Variants in THAP7 observed in about 807,000 individuals in gnomAD.
THAP7 encodes THAP domain containing 7, also known as THAP domain-containing protein 7.
THAP7 carries 22 observed loss-of-function variants against 29.2 expected under a neutral mutation model. That is an observed-to-expected ratio of 0.75 (90% confidence interval 0.54 to 1.08). THAP7 has a LOEUF of 1.08. Among genes scored for constraint, THAP7 ranks in the 50% least tolerant of loss-of-function variants. The pLI, the probability that THAP7 is intolerant of heterozygous loss-of-function variation, is 0.00. For missense variants in THAP7, 448 were observed against 416.2 expected (o/e 1.08, Z -0.66); for synonymous variants, 208 against 173.4 (o/e 1.20, Z -1.57).
At position 21,000,339 on chromosome 22, in the gene THAP7, GGCAGGTGCTGAGGCCTCTTCCACAGGAAA is replaced by G; in HGVS notation, c.442_470del (p.Phe148HisfsTer15). The G allele has an allele frequency of 6.4e-7, 1 of 1,553,844 alleles. No homozygotes were observed. The highest frequency in any genetic ancestry group is 8.7e-7 in the Non-Finnish European group (1 of 1,148,628). ...TCCCAGCTGGGGAGGCCGGCAAAGTGGCAGGTGCTGAGGCCTCTTCCACAGGAAAGCAGGTGACATCAGCAGGTGGAGGT... is the reference window on the plus strand; with the variant it reads ...TCCCAGCTGGGGAGGCCGGCAAAGTGGCAGGTGACATCAGCAGGTGGAGGT... On this transcript the variant is annotated frameshift_variant, in exon 4 of 4. Coordinates refer to ENST00000215742, the MANE Select transcript of THAP7 (RefSeq NM_030573.3). LOFTEE classifies it high-confidence loss of function.
rs1377853207 is a variant in THAP7, at chr22:21,001,464, G to A, written c.81-53C>T. The A allele has an allele frequency of 2.5e-6, 4 of 1,587,886 alleles. No homozygotes were observed. In the East Asian group the frequency reaches 9.0e-5, roughly 36 times the overall value. On this transcript the variant is annotated intron_variant, in intron 1 of 3. Coordinates refer to ENST00000215742, the MANE Select transcript of THAP7 (RefSeq NM_030573.3). ...AGGCTGTCCACAGCCCTGGGCTCAT[G>A]CTGCCCAAGCACCCCAGAGGGGAAA...
At chr22:21,001,116 G>A (rs1300211449) in intron 2 of THAP7, 140 bp downstream of exon 2, 1 of 1,228,490 alleles carries the variant, frequency 8.1e-7, no homozygotes, top group Non-Finnish European at 1.1e-6. Context: ...TCCTGGGGGT[G>A]GGTTTCACTG....
chr22:21,000,898 C>G, intron 2 of THAP7, 111 bp from the exon 3 acceptor site: 1 of 1,522,602 alleles, frequency 6.6e-7, no homozygotes, highest in Non-Finnish European at 8.9e-7. Flanking sequence ...GCAAACAATA[C>G]GTCTGGGGAA....
At chr22:21,001,443 T>C (rs1017931008) in intron 1 of THAP7, 32 bp from the exon 2 acceptor site, 1 of 1,609,606 alleles carries the variant, frequency 6.2e-7, no homozygotes, top group African/African-American at 1.3e-5. Flanking sequence ...AGCACCAGGC[T>C]GTCCACAGCC....
At position 21,000,672 on chromosome 22, in the gene THAP7, T is replaced by C. The variant is rs765915768; in HGVS notation, c.352A>G (p.Ser118Gly). The C allele has an allele frequency of 3.7e-6, 6 of 1,614,170 alleles. No homozygotes were observed. The East Asian group carries it at 1.3e-4, about 36-fold the overall frequency. The change falls in exon 3 of 4, where the codon AGC becomes GGC. Residue 118 changes from serine (S) to glycine (G), a missense_variant. By Grantham distance (56) the Ser-to-Gly change is moderately conservative (BLOSUM62 0). Transcript: ENST00000215742. ...CGCTTCCTGCATCGTCTGAGCCGGC[T>C]GACTTCAGCGGGGCCAGGTGGGTAA... The part of the protein sequence containing the change: ...HSYPPGPAEV[S>G]RLRRCRKRCS...
At position 21,000,329 on chromosome 22, in the gene THAP7, C is replaced by T; in HGVS notation, c.481G>A (p.Ala161Thr). The change falls in exon 4 of 4, where the codon GCC (alanine) becomes ACC (threonine). Residue 161 changes from alanine to threonine, a missense_variant. Ala to Thr is a moderately conservative substitution (Grantham distance 58, BLOSUM62 0). Transcript: ENST00000215742. ...EEASAPATLP[A>T]SPAGRLEPGL... ...GGCTCCAGCCTCCCAGCTGGGGAGG[C>T]CGGCAAAGTGGCAGGTGCTGAGGCC... 6.4e-7 allele frequency: 1 copy of T among 1,555,194 alleles called. No homozygotes were observed. Among genetic ancestry groups the T allele is most frequent in the Non-Finnish European group, 8.7e-7 (1 of 1,149,388 alleles).
intron 2 of THAP7, 92 bp downstream of exon 2, chr22:21,001,164 A>T (rs913357107): frequency 6.5e-7 from 1 of 1,531,754 alleles, no homozygotes; most frequent in Non-Finnish European, 8.9e-7. Context: ...CCTTGGACGC[A>T]GGCTGCTCAA....
In THAP7 at chr22:20,999,825, G is replaced by A; in HGVS notation, c.*55C>T. 5 of 1,543,060 alleles carry A rather than the reference G, an allele frequency of 3.2e-6. No homozygotes were observed. The South Asian group carries it at 6.1e-5, about 19-fold the overall frequency. On this transcript the variant is annotated 3_prime_UTR_variant, in exon 4 of 4. Transcript: ENST00000215742. ...ACCTGGTGGGTCTGGTGGGATCTGAGGGAGGAAGAGGCTGCAGTCTTGCTG... is the reference window on the plus strand; with the variant it reads ...ACCTGGTGGGTCTGGTGGGATCTGAAGGAGGAAGAGGCTGCAGTCTTGCTG...
At position 21,000,101 on chromosome 22, in the gene THAP7, C is replaced by A. The variant is rs1162979410; in HGVS notation, c.709G>T (p.Ala237Ser). The A allele has an allele frequency of 3.7e-6, 6 of 1,612,178 alleles. No individual in the cohort carries two copies. The Admixed American group carries it at 1.0e-4, about 27-fold the overall frequency. Reference sequence around the variant, plus strand: ...TCGGCTCGCCGCTTCCAGAGTAAGGCGCTGCCCACCTGGTAGCTGTGTTCA... The same window carrying A: ...TCGGCTCGCCGCTTCCAGAGTAAGGAGCTGCCCACCTGGTAGCTGTGTTCA... ...QNEHSYQVGSALLWKRRAEAA... is the reference protein window; with the variant it reads ...QNEHSYQVGSSLLWKRRAEAA... The change falls in exon 4 of 4, where the codon GCC becomes TCC. Residue 237 changes from alanine (A) to serine (S), a missense_variant. By Grantham distance (99) the Ala-to-Ser change is moderately conservative. Coordinates refer to ENST00000215742, the MANE Select transcript of THAP7 (RefSeq NM_030573.3).
At position 21,000,126 on chromosome 22, in the gene THAP7, A is replaced by G. The variant is rs757392040; in HGVS notation, c.684T>C (p.Asn228=). ...LPPPAGAYIQ[N]EHSYQVGSAL... is the part of the protein sequence containing the mutation. Reference sequence around the variant, plus strand: ...CGCTGCCCACCTGGTAGCTGTGTTCATTCTGGATGTAGGCTCCGGCGGGTG... The same window carrying G: ...CGCTGCCCACCTGGTAGCTGTGTTCGTTCTGGATGTAGGCTCCGGCGGGTG... The change falls in exon 4 of 4, where the codon AAT becomes AAC. Residue 228 remains asparagine, a synonymous_variant. Transcript: ENST00000215742. 12 of 1,610,376 alleles carry G rather than the reference A, an allele frequency of 7.5e-6. No individual in the cohort carries two copies. In the East Asian group the frequency reaches 1.8e-4, roughly 24 times the overall value.
chr22:21,000,837 C>T (rs770564580), intron 2 of THAP7, 50 bp from the exon 3 acceptor site: 2 of 1,609,500 alleles, frequency 1.2e-6, no homozygotes, highest in African/African-American at 2.7e-5. Flanking sequence ...GCTGCCTCCC[C>T]AGGCCAATCT....
Position 21,000,785 on chromosome 22 carries a change from C to T in THAP7, c.239G>A (p.Gly80Glu), listed in dbSNP as rs1318376396. The T allele has an allele frequency of 1.9e-6, 3 of 1,614,146 alleles. No individual in the cohort carries two copies. The highest frequency in any genetic ancestry group is 8.5e-7 in the Non-Finnish European group (1 of 1,180,012). Reference sequence around the variant, plus strand: ...TGCCCCCTCCTTTAGCCTGTGATATCCACTGCGGGGAAAAGCAACCCAGAT... The same window carrying T: ...TGCCCCCTCCTTTAGCCTGTGATATTCACTGCGGGGAAAAGCAACCCAGAT... ...EDCFELVGIS[G>E]YHRLKEGAVP... Residue 80 changes from glycine (G) to glutamate (E), a missense_variant and splice_region_variant, in exon 3 of 4, where the codon GGA (glycine) becomes GAA (glutamate). Transcript: ENST00000215742.
intron 3 of THAP7, 41 bp from the exon 4 acceptor site, chr22:21,000,473 G>T: frequency 6.5e-7 from 1 of 1,538,544 alleles, no homozygotes. Context: ...CTAGGCTGAG[G>T]GCTTGCCAGA....
rs535715559 is a variant in THAP7, at chr22:21,002,017, C to A, written c.-106G>T. ...CCCAAGGGGCTCTGGCCTGTCGGGT[C>A]CCCCCCGGCCCGTTGTCGCCCCAAC... On this transcript the variant is annotated 5_prime_UTR_variant, in exon 1 of 4. Transcript: ENST00000215742. The A allele has an allele frequency of 9.9e-6, 11 of 1,105,916 alleles. No individual in the cohort carries two copies. Among genetic ancestry groups the A allele is most frequent in the Non-Finnish European group, 1.4e-5 (11 of 806,824 alleles). 68.5% of individuals were successfully genotyped at this position (1,105,916 alleles called of 1,614,324 possible). A position where few individuals can be genotyped will look rare whatever the true frequency, so the allele number is the denominator to read the frequency against.
In THAP7 at chr22:20,999,864, T is replaced by TAAG. The variant is rs1313003916; in HGVS notation, c.*15_*16insCTT. ...GCAGTCTTGCTGGGCAGCCCCTCGG[T>TAAG]CAGTCCAGCAGCCCCTCAGGCCATG... On this transcript the variant is annotated 3_prime_UTR_variant, in exon 4 of 4. Transcript: ENST00000215742. 1 of 1,590,596 alleles carries TAAG rather than the reference T, an allele frequency of 6.3e-7. No individual in the cohort carries two copies. The highest frequency in any genetic ancestry group is 8.5e-7 in the Non-Finnish European group (1 of 1,171,324).
rs1355797259 is a variant in THAP7 at position 20,999,531 on chromosome 22, G to A, written c.*349C>T. Reference sequence around the variant, plus strand: ...TCCTATGGAAAGGGCGCCTGGAGCTGTCTTCCTGGCCCCTACTCACACCAT... The same window carrying A: ...TCCTATGGAAAGGGCGCCTGGAGCTATCTTCCTGGCCCCTACTCACACCAT... On this transcript the variant is annotated 3_prime_UTR_variant, in exon 4 of 4. Coordinates refer to ENST00000215742, the MANE Select transcript of THAP7 (RefSeq NM_030573.3). 7.6e-6 allele frequency: 2 copies of A among 261,768 alleles called. No homozygotes were observed. Among genetic ancestry groups the A allele is most frequent in the East Asian group, 8.3e-5 (1 of 12,026 alleles). 16.2% of individuals were successfully genotyped at this position (261,768 alleles called of 1,614,324 possible). A position where few individuals can be genotyped will look rare whatever the true frequency, so the allele number is the denominator to read the frequency against.
Position 21,002,039 on chromosome 22 carries a change from C to A in THAP7, c.-128G>T, listed in dbSNP as rs1925209868. ...GGTCCCCCCCGGCCCGTTGTCGCCC[C>A]AACCCCGTCCCAGCCGATTCTCTTG... On this transcript the variant is annotated 5_prime_UTR_variant, in exon 1 of 4. Coordinates refer to ENST00000215742, the MANE Select transcript of THAP7 (RefSeq NM_030573.3). The A allele has an allele frequency of 1.2e-6, 1 of 826,276 alleles. No individual in the cohort carries two copies. Among genetic ancestry groups the A allele is most frequent in the Non-Finnish European group, 1.8e-6 (1 of 556,106 alleles). The allele number at this position is 826,276 out of a possible 1,614,324, so 51.2% of individuals were successfully genotyped here.
intron 2 of THAP7, 103 bp from the exon 3 acceptor site, chr22:21,000,890 A>C (rs1925126868): frequency 6.5e-7 from 1 of 1,550,266 alleles, no homozygotes; most frequent in Non-Finnish European, 8.8e-7. Context: ...GGCATCGTGC[A>C]AACAATACGT....
In THAP7 at chr22:21,000,694, G is replaced by A. The variant is rs1925112958; in HGVS notation, c.330C>T (p.Tyr110=). The change falls in exon 3 of 4, where the codon TAC becomes TAT. Residue 110 remains tyrosine (Y), a synonymous_variant. Coordinates refer to ENST00000215742, the MANE Select transcript of THAP7 (RefSeq NM_030573.3). ...RRTTKTKGHS[Y]PPGPAEVSRL... ...GGCTGACTTCAGCGGGGCCAGGTGGGTAACTGTGTCCTTTGGTCTTGGTTG... is the reference window on the plus strand; with the variant it reads ...GGCTGACTTCAGCGGGGCCAGGTGGATAACTGTGTCCTTTGGTCTTGGTTG... 1.2e-6 allele frequency: 2 copies of A among 1,614,086 alleles called. No homozygotes were observed. The highest frequency in any genetic ancestry group is 1.3e-5 in the African/African-American group (1 of 74,930).
Sources: allele counts gnomAD v4.1 joint callset, GRCh38; gene constraint gnomAD v4.1.1; transcripts MANE v1.5; gene names NCBI Gene and HGNC (gene_info 2026-07-23, HGNC 2026-07-21).